GRIA4: variants seen among roughly 807,000 people sequenced by gnomAD.
The protein encoded by GRIA4 is glutamate ionotropic receptor AMPA type subunit 4.
Under a neutral mutation model 104.0 loss-of-function variants are expected in GRIA4, and 34 were observed. The observed-to-expected ratio is 0.33, with a 90% confidence interval of 0.25 to 0.44. The LOEUF is 0.44. Among genes scored for constraint, GRIA4 ranks in the 20% least tolerant of loss-of-function variants. The pLI is 1.00. For synonymous variants in GRIA4, 386 were observed against 381.9 expected (o/e 1.01, Z -0.13); for missense variants, 750 against 1,096.5 (o/e 0.68, Z 4.46).
chr11:105,830,476 G>A (rs916766873), intron 4 of GRIA4, among the ~76,000 whole-genome samples: 8 of 152,028 alleles, frequency 5.3e-5, no homozygotes, highest in Non-Finnish European at 1.0e-4. Flanking sequence ...AGACTTGGGA[G>A]GAGAAAGACA....
chr11:105,791,413 T>A (rs531481496), intron 4 of GRIA4, among the ~76,000 whole-genome samples: 1 of 152,184 alleles, frequency 6.6e-6, no homozygotes, highest in African/African-American at 2.4e-5. Context: ...TGTTCTTCTA[T>A]AGAGTTGTAA....
At chr11:105,878,475 A>C (rs547937375) in intron 5 of GRIA4, among the ~76,000 whole-genome samples, 1 of 152,318 alleles carries the variant, frequency 6.6e-6, no homozygotes, top group South Asian at 2.1e-4. Context: ...CTTCAGAGCC[A>C]GCAGGCAGGA....
chr11:105,947,175 A>G (rs539812014), intron 14 of GRIA4, among the ~76,000 whole-genome samples: 6 of 152,342 alleles, frequency 3.9e-5, no homozygotes, highest in Non-Finnish European at 7.4e-5. Context: ...CCAGAAACTT[A>G]AGCATTAAAC....
At chr11:105,890,969 C>T (rs1020031757) in intron 6 of GRIA4, among the ~76,000 whole-genome samples, 7 of 152,064 alleles carry the variant, frequency 4.6e-5, no homozygotes, top group Non-Finnish European at 1.0e-4. Context: ...CTGGTGAAAG[C>T]GTATGATATC....
chr11:105,904,549 G>C (rs947199810), intron 8 of GRIA4, among the ~76,000 whole-genome samples: 1 of 152,100 alleles, frequency 6.6e-6, no homozygotes, highest in African/African-American at 2.4e-5. Flanking sequence ...TACCTCTGGA[G>C]ATCTTTAAAT....
At chr11:105,805,162 AT>A (rs1312628776) in intron 4 of GRIA4, among the ~76,000 whole-genome samples, 5 of 151,860 alleles carry the variant, frequency 3.3e-5, no homozygotes, top group Non-Finnish European at 5.9e-5. Flanking sequence ...TCCTTATTCC[AT>A]TTCTGTAATA....
At chr11:105,807,128 A>C (rs1942984618) in intron 4 of GRIA4, among the ~76,000 whole-genome samples, 1 of 151,720 alleles carries the variant, frequency 6.6e-6, no homozygotes, top group Non-Finnish European at 1.5e-5. Flanking sequence ...ATGAGGGAAA[A>C]ATCCTTATTT....
chr11:105,837,494 G>C (rs1048362209), intron 4 of GRIA4, among the ~76,000 whole-genome samples: 1 of 151,982 alleles, frequency 6.6e-6, no homozygotes, highest in African/African-American at 2.4e-5. Flanking sequence ...AGTGTTCCAT[G>C]GTGCTGCAGA....
chr11:105,686,201 T>C (rs977110391), intron 3 of GRIA4, among the ~76,000 whole-genome samples: 2 of 152,132 alleles, frequency 1.3e-5, no homozygotes, highest in Non-Finnish European at 2.9e-5. Flanking sequence ...CAACAGTTAG[T>C]TTTCCAGTCC....
intron 14 of GRIA4, among the ~76,000 whole-genome samples, chr11:105,964,785 T>G (rs1047739781): frequency 6.8e-6 from 1 of 146,926 alleles, no homozygotes; most frequent in East Asian, 1.9e-4. Flanking sequence ...CCATGACATG[T>G]TTTTTTTTGT....
chr11:105,946,771 A>G lies in GRIA4; in HGVS notation c.2294+12802A>G, dbSNP rs138748706. Among the ~76,000 whole-genome samples, 575 of 152,298 alleles carry G rather than the reference A, an allele frequency of 3.8e-3. 11 individuals carry two copies. The highest frequency in any genetic ancestry group is 0.013 in the African/African-American group (534 of 41,574). Reference sequence around the variant, plus strand: ...TTGTGTGACTCAAGTAGATTTTAGGAAAGTTTTAAGATCAGGTAACAGGGA... The same window carrying G: ...TTGTGTGACTCAAGTAGATTTTAGGGAAGTTTTAAGATCAGGTAACAGGGA... On this transcript the variant is annotated intron_variant, in intron 14 of 16. Coordinates refer to ENST00000282499, the MANE Select transcript of GRIA4 (RefSeq NM_000829.4).
intron 14 of GRIA4, among the ~76,000 whole-genome samples, chr11:105,957,649 A>G (rs1269749716): frequency 6.6e-6 from 1 of 152,204 alleles, no homozygotes; most frequent in Non-Finnish European, 1.5e-5. Flanking sequence ...TATGTGAAGA[A>G]AGCCATTGGT....
chr11:105,865,703 G>T, intron 5 of GRIA4, among the ~76,000 whole-genome samples: 1 of 152,040 alleles, frequency 6.6e-6, no homozygotes. Context: ...TCTATTACTT[G>T]CAAAGAGTCC....
Position 105,748,714 on chromosome 11 carries a change from C to T in GRIA4, c.248-4267C>T, listed in dbSNP as rs538483227. Among the ~76,000 whole-genome samples, 18 of 152,250 alleles carry T rather than the reference C, an allele frequency of 1.2e-4. No individual in the cohort carries two copies. In the East Asian group the frequency reaches 2.7e-3, roughly 23 times the overall value. Reference sequence around the variant, plus strand: ...ATCACTTTTGTGATACTTTAATAGTCAAGGCAGTCTCAAAGGCCAACCCAG... The same window carrying T: ...ATCACTTTTGTGATACTTTAATAGTTAAGGCAGTCTCAAAGGCCAACCCAG... On this transcript the variant is annotated intron_variant, in intron 3 of 16. Transcript: ENST00000282499.
intron 4 of GRIA4, among the ~76,000 whole-genome samples, chr11:105,763,558 G>T (rs991597250): frequency 6.6e-6 from 1 of 152,062 alleles, no homozygotes; most frequent in African/African-American, 2.4e-5. Context: ...CAAATGCAAA[G>T]ATTTTACTAT....
At chr11:105,976,112 G>C (rs1401092498) in intron 16 of GRIA4, among the ~76,000 whole-genome samples, 4 of 151,934 alleles carry the variant, frequency 2.6e-5, no homozygotes, top group Non-Finnish European at 4.4e-5. Flanking sequence ...AACAATACTT[G>C]ATTAGTTTTC....
chr11:105,822,682 G>A (rs945042991), intron 4 of GRIA4, among the ~76,000 whole-genome samples: 6 of 152,054 alleles, frequency 3.9e-5, no homozygotes, highest in Admixed American at 6.6e-5. Flanking sequence ...TGGTGAATTG[G>A]AGTTTAATTA....
intron 5 of GRIA4, among the ~76,000 whole-genome samples, chr11:105,866,294 T>G (rs642544): frequency 0.38 from 57,305 of 151,706 alleles, 10,949 homozygotes; most frequent in Non-Finnish European, 0.41. Context: ...TGATTTGTTT[T>G]ATCCTAAAGC....
At chr11:105,913,145 T>C (rs1488281837) in intron 10 of GRIA4, 1 of 528,562 alleles carries the variant, frequency 1.9e-6, no homozygotes, top group Non-Finnish European at 2.4e-6. Flanking sequence ...GTCTGCTATG[T>C]GCTAGGCACA....
Sources: gnomAD v4.1 joint callset for allele counts (sites outside exome capture counted in the v4.1 genomes callset) on GRCh38, gnomAD v4.1.1 for gene constraint, MANE v1.5 for transcripts, NCBI Gene and HGNC (gene_info 2026-07-23, HGNC 2026-07-21) for gene names.